IGF1R: variants seen among roughly 807,000 people sequenced by gnomAD.
IGF1R encodes insulin-like growth factor 1 receptor.
In IGF1R, 44 loss-of-function variants were observed where a neutral mutation model predicts 144.6. The observed-to-expected ratio is 0.30, with a 90% CI of 0.24 to 0.39. The LOEUF (loss-of-function observed/expected upper bound fraction) is 0.39, where lower values mean the gene tolerates loss of function less well. Among genes scored for constraint, IGF1R ranks in the 10% least tolerant of loss-of-function variants. The pLI is 1.00. For synonymous variants in IGF1R, 795 were observed against 722.8 expected (o/e 1.10, Z -1.60); for missense variants, 1,355 against 1,833.7 (o/e 0.74, Z 4.77).
chr15:98,835,704 T>C (rs141250964), intron 2 of IGF1R, among the ~76,000 whole-genome samples: 6 of 152,352 alleles, frequency 3.9e-5, no homozygotes, highest in African/African-American at 7.2e-5. Context: ...CTGGCAGCTT[T>C]AGATGTGGTT....
At chr15:98,825,696 G>A (rs1175988961) in intron 2 of IGF1R, among the ~76,000 whole-genome samples, 1 of 152,200 alleles carries the variant, frequency 6.6e-6, no homozygotes, top group African/African-American at 2.4e-5. Flanking sequence ...AAAGGTTGGG[G>A]ACCACTACGT....
At chr15:98,859,978 C>G (rs1016305237) in intron 2 of IGF1R, among the ~76,000 whole-genome samples, 7 of 152,064 alleles carry the variant, frequency 4.6e-5, no homozygotes, top group African/African-American at 1.4e-4. Context: ...TGCAGTGACG[C>G]GATCTCGGCT....
At chr15:98,851,314 A>C (rs2011518555) in intron 2 of IGF1R, among the ~76,000 whole-genome samples, 1 of 152,190 alleles carries the variant, frequency 6.6e-6, no homozygotes, top group African/African-American at 2.4e-5. Context: ...GAGGCCCCCC[A>C]GGTGGCAAGT....
In IGF1R at chr15:98,714,648, A is replaced by AG. The variant is rs948483356; in HGVS notation, c.640+6542dup. Among the ~76,000 whole-genome samples the AG allele has an allele frequency of 5.4e-5, 8 of 147,110 alleles. No individual in the cohort carries two copies. In the East Asian group the frequency reaches 9.7e-4, roughly 18 times the overall value. The stretch of plus-strand genomic sequence containing the variant: ...GGGCGACATAATGAAATCCTGTCTG[A>AG]GAAAAAAAAAAAAAGATTTTGTAAC... On this transcript the variant is annotated intron_variant, in intron 2 of 20. Coordinates refer to ENST00000650285, the MANE Select transcript of IGF1R (RefSeq NM_000875.5).
At chr15:98,909,786 A>G (rs986200483) in intron 6 of IGF1R, among the ~76,000 whole-genome samples, 18 of 152,218 alleles carry the variant, frequency 1.2e-4, no homozygotes, top group Admixed American at 2.6e-4. Flanking sequence ...TGCTTTTTAA[A>G]TTGAGAACAA....
At chr15:98,682,402 C>T (rs1431214400) in intron 1 of IGF1R, among the ~76,000 whole-genome samples, 3 of 152,130 alleles carry the variant, frequency 2.0e-5, no homozygotes, top group Non-Finnish European at 2.9e-5. Flanking sequence ...GAGATGTTTT[C>T]ATGGGGAGAA....
chr15:98,790,885 A>G (rs1460826893), intron 2 of IGF1R, among the ~76,000 whole-genome samples: 1 of 152,234 alleles, frequency 6.6e-6, no homozygotes, highest in African/African-American at 2.4e-5. Flanking sequence ...TTTACCTTAT[A>G]ATGCCTAAAA....
rs35171849 is a variant in IGF1R at position 98,891,530 on chromosome 15, C to T, written c.846C>T (p.Cys282=). The part of the protein sequence containing the change: ...EGWRCVDRDF[C]ANILSAESSD... ...GGCGCTGTGTGGACCGTGACTTCTGCGCCAACATCCTCAGCGCCGAGAGCA... is the reference window on the plus strand; with the variant it reads ...GGCGCTGTGTGGACCGTGACTTCTGTGCCAACATCCTCAGCGCCGAGAGCA... Residue 282 remains cysteine (C), a synonymous_variant, in exon 3 of 21, where the codon TGC becomes TGT. Transcript: ENST00000650285. This position sits in a 1 kb window ranked among gnomAD's most constrained non-coding sequence, Gnocchi z 4.7. The T allele has an allele frequency of 5.6e-4, 900 of 1,613,038 alleles. 6 individuals carry two copies. In the African/African-American group the frequency reaches 0.011, roughly 19 times the overall value.
chr15:98,723,488 CT>C (rs2054290243), intron 2 of IGF1R, among the ~76,000 whole-genome samples: 1 of 152,242 alleles, frequency 6.6e-6, no homozygotes, highest in South Asian at 2.1e-4. Flanking sequence ...TTGATTGCAT[CT>C]TTCAGCTCCT....
At chr15:98,927,791 A>G (rs555285433) in intron 13 of IGF1R, among the ~76,000 whole-genome samples, 1 of 152,350 alleles carries the variant, frequency 6.6e-6, no homozygotes, top group East Asian at 1.9e-4. Flanking sequence ...TTAAAGAGTA[A>G]CCATGATCAC....
In IGF1R at chr15:98,746,366, C is replaced by T. The variant is rs1469643419; in HGVS notation, c.640+38259C>T. ...GTGCTATCTCCTCAGGTGCAGGGTT[C>T]TCTGGAACTCTGTCTAGGTTGGTCT... On this transcript the variant is annotated intron_variant, in intron 2 of 20. Transcript: ENST00000650285. 2.6e-5 allele frequency among the ~76,000 whole-genome samples: 4 copies of T among 152,174 alleles called. No homozygotes were observed. In the East Asian group the frequency reaches 7.7e-4, roughly 29 times the overall value.
At chr15:98,824,444 C>T (rs7165366) in intron 2 of IGF1R, among the ~76,000 whole-genome samples, 6,713 of 152,242 alleles carry the variant, frequency 0.044, 484 homozygotes, top group African/African-American at 0.15. Flanking sequence ...CAGACTTCTT[C>T]TTATCTAAAT....
intron 2 of IGF1R, among the ~76,000 whole-genome samples, chr15:98,798,410 G>A (rs897470577): frequency 5.3e-5 from 8 of 152,136 alleles, no homozygotes; most frequent in African/African-American, 1.7e-4. Context: ...TGAGGACTTC[G>A]GCTTTGACTC....
At chr15:98,896,133 G>T (rs1241908328) in intron 3 of IGF1R, among the ~76,000 whole-genome samples, 1 of 152,160 alleles carries the variant, frequency 6.6e-6, no homozygotes, top group Non-Finnish European at 1.5e-5. Context: ...TGCAGCAAAA[G>T]CAACATTTGG....
intron 1 of IGF1R, among the ~76,000 whole-genome samples, chr15:98,705,557 T>C (rs2053841045): frequency 6.6e-6 from 1 of 152,332 alleles, no homozygotes; most frequent in Admixed American, 6.5e-5. Context: ...ATTTTCTCTT[T>C]GGTAAAACAG....
chr15:98,800,811 T>C (rs370700601), intron 2 of IGF1R, among the ~76,000 whole-genome samples: 27 of 152,210 alleles, frequency 1.8e-4, no homozygotes, highest in African/African-American at 4.6e-4. Context: ...AAGCAGGCTT[T>C]TTATGAATGA....
chr15:98,755,718 CAAAAAAAAAAAAAAAAAAAAAAAAA>C (rs56121011), intron 2 of IGF1R, among the ~76,000 whole-genome samples: 2 of 34,472 alleles, frequency 5.8e-5, no homozygotes, highest in African/African-American at 1.6e-4. Context: ...AACTCCATTG[CAAAAAAAAAAAAAAAAAAAAAAAAA>C]AAAAAAAAAA....
At chr15:98,685,951 C>T (rs146275013) in intron 1 of IGF1R, among the ~76,000 whole-genome samples, 1 of 152,232 alleles carries the variant, frequency 6.6e-6, no homozygotes, top group African/African-American at 2.4e-5. Context: ...TAAGTACATT[C>T]ATATTGTTGT....
intron 2 of IGF1R, among the ~76,000 whole-genome samples, chr15:98,851,824 G>GC (rs2011540782): frequency 6.6e-6 from 1 of 152,192 alleles, no homozygotes; most frequent in Admixed American, 6.5e-5. Context: ...TGTCAAGTGA[G>GC]CCTAATATCA....
Sources: gnomAD v4.1 joint callset for allele counts (sites outside exome capture counted in the v4.1 genomes callset) on GRCh38, gnomAD v4.1.1 for gene constraint, Gnocchi (gnomAD v3.1) non-coding constraint, MANE v1.5 for transcripts, NCBI Gene and HGNC (gene_info 2026-07-23, HGNC 2026-07-21) for gene names.